SDK1: variants seen among roughly 807,000 people sequenced by gnomAD.
The protein encoded by SDK1 is protein sidekick-1.
Under a neutral mutation model 245.5 loss-of-function variants are expected in SDK1, and 157 were observed. The observed-to-expected ratio is 0.64, with a 90% CI of 0.56 to 0.73. The LOEUF is 0.73. Among genes scored for constraint, SDK1 ranks in the 30% least tolerant of loss-of-function variants. The pLI is 0.00. For missense variants in SDK1, 3,583 were observed against 3,002.3 expected (o/e 1.19, Z -4.52); for synonymous variants, 1,647 against 1,278.5 (o/e 1.29, Z -6.15).
intron 22 of SDK1, among the ~76,000 whole-genome samples, chr7:4,086,463 G>C (rs970456635): frequency 1.3e-5 from 2 of 152,128 alleles, no homozygotes; most frequent in South Asian, 4.1e-4. Flanking sequence ...GCAGAATTCA[G>C]TCCTTGCAGT....
intron 38 of SDK1, among the ~76,000 whole-genome samples, chr7:4,212,768 G>A (rs976462596): frequency 6.6e-6 from 1 of 152,234 alleles, no homozygotes; most frequent in Non-Finnish European, 1.5e-5. Flanking sequence ...CATAACCAAC[G>A]AGGACCATTT....
intron 1 of SDK1, among the ~76,000 whole-genome samples, chr7:3,586,719 AAAAG>A (rs1194722517): frequency 6.6e-6 from 1 of 151,792 alleles, no homozygotes; most frequent in Non-Finnish European, 1.5e-5. Context: ...AAAAAAAAAA[AAAAG>A]AAATAGAGGA....
rs375247352 is a variant in SDK1 at position 3,672,300 on chromosome 7, A to C, written c.713+30195A>C. Among the ~76,000 whole-genome samples the C allele has an allele frequency of 1.5e-3, 235 of 152,076 alleles. 1 individual carries two copies. Among genetic ancestry groups the C allele is most frequent in the African/African-American group, 5.5e-3 (229 of 41,454 alleles). The stretch of plus-strand genomic sequence containing the variant: ...TTATTGTGAATACCCATCACACGTT[A>C]TTCTATCACAGCAAGCAGCTCATCT... On this transcript the variant is annotated intron_variant, in intron 4 of 44. Coordinates refer to ENST00000404826, the MANE Select transcript of SDK1 (RefSeq NM_152744.4).
At chr7:4,132,870 T>A (rs1425419037) in intron 28 of SDK1, among the ~76,000 whole-genome samples, 1 of 152,240 alleles carries the variant, frequency 6.6e-6, no homozygotes, top group Admixed American at 6.5e-5. Flanking sequence ...ACCGAGATGA[T>A]CATGGGCCTC....
intron 7 of SDK1, 126 bp from the exon 8 acceptor site, chr7:3,958,805 C>G (rs956271321): frequency 1.3e-6 from 1 of 765,504 alleles, no homozygotes; most frequent in Admixed American, 2.2e-5. Context: ...TTTGTATGCA[C>G]GATGCTAACT....
chr7:4,000,546 A>G (rs543089176), intron 14 of SDK1, among the ~76,000 whole-genome samples: 2 of 152,042 alleles, frequency 1.3e-5, no homozygotes, highest in East Asian at 2.0e-4. Context: ...GTGCCTTTTC[A>G]TGTAGGGAAC....
At chr7:3,383,659 A>G (rs1781543842) in intron 1 of SDK1, among the ~76,000 whole-genome samples, 1 of 152,214 alleles carries the variant, frequency 6.6e-6, no homozygotes, top group African/African-American at 2.4e-5. Flanking sequence ...TTAAAGAGGC[A>G]TGGACAATTA....
chr7:4,060,124 G>A (rs1020483009), intron 19 of SDK1, among the ~76,000 whole-genome samples: 7 of 151,970 alleles, frequency 4.6e-5, no homozygotes, highest in African/African-American at 7.2e-5. Flanking sequence ...CTCGTGATCC[G>A]CCCGCCTCGG....
chr7:3,371,943 G>A (rs938851293), intron 1 of SDK1, among the ~76,000 whole-genome samples: 1 of 152,154 alleles, frequency 6.6e-6, no homozygotes, highest in South Asian at 2.1e-4. Context: ...AGGAGATAGA[G>A]CAGGTTGTGA....
chr7:3,634,358 G>A (rs1782391865), intron 2 of SDK1, among the ~76,000 whole-genome samples: 1 of 152,170 alleles, frequency 6.6e-6, no homozygotes, highest in Non-Finnish European at 1.5e-5. Flanking sequence ...AGAGATGCAG[G>A]TCACAACTGA....
chr7:4,266,768 C>G lies in SDK1; in HGVS notation c.*1384C>G. 1.0e-6 allele frequency: 1 copy of G among 985,500 alleles called. No homozygotes were observed. 61.0% of individuals were successfully genotyped at this position (985,500 alleles called of 1,614,324 possible). A position where few individuals can be genotyped will look rare whatever the true frequency, so the allele number is the denominator to read the frequency against. On this transcript the variant is annotated 3_prime_UTR_variant, in exon 45 of 45. Transcript: ENST00000404826. ...CCCGGGTCTGGATGGAACGGGAGCACTGCTGGTGCCCACTGGCGTGTGTGC... is the reference window on the plus strand; with the variant it reads ...CCCGGGTCTGGATGGAACGGGAGCAGTGCTGGTGCCCACTGGCGTGTGTGC...
At chr7:4,037,055 A>G (rs575097923) in intron 17 of SDK1, among the ~76,000 whole-genome samples, 1 of 152,204 alleles carries the variant, frequency 6.6e-6, no homozygotes. Flanking sequence ...ACCAAAAGTA[A>G]TAACAATGAT....
chr7:3,456,900 T>C (rs1217771212), intron 1 of SDK1, among the ~76,000 whole-genome samples: 1 of 152,202 alleles, frequency 6.6e-6, no homozygotes, highest in East Asian at 1.9e-4. Context: ...TTGTGGGTGG[T>C]TCCAATGAGA....
chr7:3,415,041 G>A (rs1779322767), intron 1 of SDK1, among the ~76,000 whole-genome samples: 1 of 152,160 alleles, frequency 6.6e-6, no homozygotes, highest in Non-Finnish European at 1.5e-5. Flanking sequence ...CATTTGTGTA[G>A]CAGTTTTTTT....
At chr7:3,420,047 A>G (rs1370589021) in intron 1 of SDK1, among the ~76,000 whole-genome samples, 1 of 152,194 alleles carries the variant, frequency 6.6e-6, no homozygotes. Context: ...TGTCTCTGGC[A>G]CTTGAATCTC....
At chr7:3,439,432 A>C (rs564075205) in intron 1 of SDK1, among the ~76,000 whole-genome samples, 72 of 152,266 alleles carry the variant, frequency 4.7e-4, no homozygotes, top group African/African-American at 1.7e-3. Flanking sequence ...ACTAGTGAAG[A>C]GTAATGTTAG....
At chr7:3,969,167 C>A in intron 10 of SDK1, 90 bp from the exon 11 acceptor site, 3 of 1,222,002 alleles carry the variant, frequency 2.5e-6, no homozygotes, top group South Asian at 1.9e-5. Context: ...CGGAGCCGAA[C>A]CATATTACTT....
intron 1 of SDK1, among the ~76,000 whole-genome samples, chr7:3,484,030 C>G (rs1386852311): frequency 4.6e-5 from 7 of 152,118 alleles, no homozygotes; most frequent in African/African-American, 1.4e-4. Flanking sequence ...TATCTGTCAC[C>G]TCAAACATTT....
intron 1 of SDK1, among the ~76,000 whole-genome samples, chr7:3,486,291 AT>A (rs1781692574): frequency 6.6e-6 from 1 of 151,766 alleles, no homozygotes; most frequent in Non-Finnish European, 1.5e-5. Context: ...ATTGTACTTT[AT>A]TTGGATCTTC....
Sources: allele counts gnomAD v4.1 joint callset (sites outside exome capture counted in the v4.1 genomes callset), GRCh38; gene constraint gnomAD v4.1.1; transcripts MANE v1.5; gene names NCBI Gene and HGNC (gene_info 2026-07-23, HGNC 2026-07-21).